Variants in ATP6V0E1 observed in about 807,000 individuals in gnomAD.
ATP6V0E1 encodes the protein ATPase H+ transporting V0 subunit e1, also known as V-type proton ATPase subunit e 1.
Under a neutral mutation model 11.6 loss-of-function variants are expected in ATP6V0E1, and 4 were observed. The observed-to-expected ratio is 0.35, with a 90% CI of 0.17 to 0.79. ATP6V0E1 has a LOEUF of 0.79. Ranked by LOEUF, ATP6V0E1 falls within the 30% of genes least tolerant of loss-of-function variation. ATP6V0E1 has a pLI of 0.54. For synonymous variants in ATP6V0E1, 36 were observed against 34.8 expected (o/e 1.04, Z -0.13); for missense variants, 105 against 100.0 (o/e 1.05, Z -0.21).
intron 1 of ATP6V0E1, among the ~76,000 whole-genome samples, chr5:172,994,258 A>G (rs1026353047): frequency 6.6e-6 from 1 of 152,136 alleles, no homozygotes; most frequent in African/African-American, 2.4e-5. Context: ...TCTGAGGAGT[A>G]GGAGATTCAG....
At chr5:172,998,993 C>T (rs915409507) in intron 2 of ATP6V0E1, among the ~76,000 whole-genome samples, 20 of 151,918 alleles carry the variant, frequency 1.3e-4, no homozygotes, top group Admixed American at 4.6e-4. Context: ...AAAATTAGCC[C>T]CATGTGGTGG....
At chr5:173,015,220 G>A (rs1356485117) in intron 2 of ATP6V0E1, among the ~76,000 whole-genome samples, 1 of 152,160 alleles carries the variant, frequency 6.6e-6, no homozygotes, top group Non-Finnish European at 1.5e-5. Flanking sequence ...GTGACCATAG[G>A]CCAATCACTT....
intron 2 of ATP6V0E1, among the ~76,000 whole-genome samples, chr5:173,001,410 C>A (rs561584067): frequency 1.3e-5 from 2 of 152,258 alleles, no homozygotes; most frequent in East Asian, 3.9e-4. Context: ...CTTTAGCCCC[C>A]GTTGCTGTCC....
chr5:173,034,569 C>T lies in ATP6V0E1; in HGVS notation c.*207C>T, dbSNP rs146948215. 53 of 665,278 alleles carry T rather than the reference C, an allele frequency of 8.0e-5. No homozygotes were observed. Among genetic ancestry groups the T allele is most frequent in the African/African-American group, 4.1e-4 (23 of 56,544 alleles). 41.2% of individuals were successfully genotyped at this position (665,278 alleles called of 1,614,324 possible). ...GCCTTTTTTGCACTTTGGTGAATTA[C>T]GTGCCTCCATAACCTGAACTGTGCC... On this transcript the variant is annotated 3_prime_UTR_variant, in exon 4 of 4. Coordinates refer to ENST00000519374, the MANE Select transcript of ATP6V0E1 (RefSeq NM_003945.4).
At chr5:173,016,134 G>A (rs1364283357) in intron 2 of ATP6V0E1, among the ~76,000 whole-genome samples, 4 of 152,230 alleles carry the variant, frequency 2.6e-5, no homozygotes, top group Non-Finnish European at 5.9e-5. Flanking sequence ...TTTATAGCCA[G>A]TTGGTCAGAA....
At chr5:173,025,504 CTTTTTTTTT>C (rs60822937) in intron 3 of ATP6V0E1, among the ~76,000 whole-genome samples, 10 of 65,568 alleles carry the variant, frequency 1.5e-4, no homozygotes, top group East Asian at 1.2e-3. Flanking sequence ...ATATAAAATA[CTTTTTTTTT>C]TTTTTTTTTT....
At chr5:173,019,320 C>T (rs1756446348) in intron 2 of ATP6V0E1, among the ~76,000 whole-genome samples, 1 of 152,146 alleles carries the variant, frequency 6.6e-6, no homozygotes. Flanking sequence ...CTTTGGGAGG[C>T]CGAGGCGGGC....
chr5:173,021,442 C>T (rs1271198892), intron 3 of ATP6V0E1, among the ~76,000 whole-genome samples: 2 of 152,104 alleles, frequency 1.3e-5, no homozygotes, highest in Non-Finnish European at 2.9e-5. Flanking sequence ...GGGGTCTCCC[C>T]TTATAAAACC....
chr5:173,000,037 C>T (rs1248483290), intron 2 of ATP6V0E1, among the ~76,000 whole-genome samples: 2 of 152,108 alleles, frequency 1.3e-5, no homozygotes, highest in Non-Finnish European at 2.9e-5. Flanking sequence ...GGCACTGGTA[C>T]ATTTTCTTGA....
intron 2 of ATP6V0E1, among the ~76,000 whole-genome samples, chr5:172,996,373 C>T (rs555178395): frequency 6.6e-5 from 10 of 152,060 alleles, no homozygotes; most frequent in African/African-American, 2.4e-4. Context: ...GCCTGGCCAA[C>T]ATGGTGAAAC....
intron 2 of ATP6V0E1, among the ~76,000 whole-genome samples, chr5:173,014,622 G>A (rs575962190): frequency 6.6e-6 from 1 of 152,266 alleles, no homozygotes; most frequent in East Asian, 1.9e-4. Context: ...GCCAAGTGCA[G>A]AAAGACAAAT....
Position 173,035,246 on chromosome 5 carries a change from A to C in ATP6V0E1, c.*884A>C, listed in dbSNP as rs1463497410. On this transcript the variant is annotated 3_prime_UTR_variant, in exon 4 of 4. Transcript: ENST00000519374. ...GGTGAGCAGTTCAAGGTTACCTGCCAGCTGCAGAACAAGGCAGCAAATGCT... is the reference window on the plus strand; with the variant it reads ...GGTGAGCAGTTCAAGGTTACCTGCCCGCTGCAGAACAAGGCAGCAAATGCT... The C allele has an allele frequency of 2.0e-5, 3 of 152,342 alleles. No homozygotes were observed. In the East Asian group the frequency reaches 5.8e-4, roughly 29 times the overall value. 9.4% of individuals were successfully genotyped at this position (152,342 alleles called of 1,614,324 possible).
At chr5:172,989,931 G>T (rs537802971) in intron 1 of ATP6V0E1, among the ~76,000 whole-genome samples, 1 of 152,120 alleles carries the variant, frequency 6.6e-6, no homozygotes, top group Non-Finnish European at 1.5e-5. Context: ...CTCAACCTGG[G>T]CTCACACAAT....
intron 2 of ATP6V0E1, among the ~76,000 whole-genome samples, chr5:173,001,825 T>C (rs1756160274): frequency 6.6e-6 from 1 of 151,874 alleles, no homozygotes; most frequent in Non-Finnish European, 1.5e-5. Context: ...TTCAAGTGAT[T>C]CTCTTGCCTC....
intron 1 of ATP6V0E1, among the ~76,000 whole-genome samples, chr5:172,989,937 A>G (rs1755956259): frequency 6.6e-6 from 1 of 152,090 alleles, no homozygotes. Context: ...CTGGGCTCAC[A>G]CAATCCTTCT....
At chr5:173,000,736 T>C (rs1465913671) in intron 2 of ATP6V0E1, among the ~76,000 whole-genome samples, 1 of 151,582 alleles carries the variant, frequency 6.6e-6, no homozygotes, top group African/African-American at 2.4e-5. Flanking sequence ...AGTCTCACTC[T>C]GTCGACCAGG....
intron 3 of ATP6V0E1, among the ~76,000 whole-genome samples, chr5:173,028,585 C>T (rs1756596505): frequency 6.6e-6 from 1 of 152,142 alleles, no homozygotes; most frequent in African/African-American, 2.4e-5. Flanking sequence ...GGAATCAATC[C>T]AAAGAACACA....
chr5:172,984,006 G>A (rs1432888117), intron 1 of ATP6V0E1, 42 bp downstream of exon 1: 3 of 1,584,452 alleles, frequency 1.9e-6, no homozygotes, highest in Non-Finnish European at 2.6e-6. Flanking sequence ...GGGCGGTGAG[G>A]AGCTAGCAGG....
At position 172,994,772 on chromosome 5, in the gene ATP6V0E1, T is replaced by A; in HGVS notation, c.105-3T>A. 6.4e-7 allele frequency: 1 copy of A among 1,573,654 alleles called. No individual in the cohort carries two copies. The highest frequency in any genetic ancestry group is 8.6e-7 in the Non-Finnish European group (1 of 1,163,824). ...TGACATTTGCATTTTTTTTTTTTTT[T>A]AGAGTTATCATTACCATGTTGGTGA... On this transcript the variant is annotated splice_polypyrimidine_tract_variant and splice_region_variant and intron_variant, in intron 1 of 3. Coordinates refer to ENST00000519374, the MANE Select transcript of ATP6V0E1 (RefSeq NM_003945.4).
Sources: allele counts gnomAD v4.1 joint callset (sites outside exome capture counted in the v4.1 genomes callset), GRCh38; gene constraint gnomAD v4.1.1; transcripts MANE v1.5; gene names NCBI Gene and HGNC (gene_info 2026-07-23, HGNC 2026-07-21).